The following TRAPPC9 variants were observed in gnomAD, a reference collection of about 807,000 sequenced individuals.
TRAPPC9 encodes IKK2 binding protein.
A neutral mutation model predicts 124.0 loss-of-function variants in TRAPPC9; 83 were observed. The observed-to-expected ratio is 0.67, with a 90% CI of 0.56 to 0.80. The LOEUF (loss-of-function observed/expected upper bound fraction) is 0.80. Among genes scored for constraint, TRAPPC9 ranks in the 30% least tolerant of loss-of-function variants. The pLI is 0.00. For missense variants in TRAPPC9, 1,302 were observed against 1,508.3 expected (o/e 0.86, Z 2.27); for synonymous variants, 638 against 617.5 (o/e 1.03, Z -0.49).
chr8:140,388,673 C>A (rs1332512843), intron 7 of TRAPPC9, among the ~76,000 whole-genome samples: 1 of 150,760 alleles, frequency 6.6e-6, no homozygotes, highest in Non-Finnish European at 1.5e-5. Flanking sequence ...CAGAGCAAGA[C>A]TCCATCTCAA....
chr8:139,893,800 G>A (rs541135092), intron 20 of TRAPPC9, among the ~76,000 whole-genome samples: 7 of 152,204 alleles, frequency 4.6e-5, no homozygotes, highest in Admixed American at 2.6e-4. Flanking sequence ...AGCCAGTACC[G>A]TCTAACATGT....
At position 140,412,725 on chromosome 8, in the gene TRAPPC9, A is replaced by G. The variant is rs548736148; in HGVS notation, c.887-7027T>C. 6.6e-5 allele frequency among the ~76,000 whole-genome samples: 10 copies of G among 152,360 alleles called. No homozygotes were observed. In the South Asian group the frequency reaches 8.3e-4, roughly 13 times the overall value. On this transcript the variant is annotated intron_variant, in intron 5 of 22. Transcript: ENST00000438773. The stretch of plus-strand genomic sequence containing the variant: ...TCTTTACCACTCTTTTATAAGATTT[A>G]TAAGTTTTAAATTATTTCAAAATCA...
At chr8:139,771,407 T>C (rs888363909) in intron 21 of TRAPPC9, among the ~76,000 whole-genome samples, 1 of 152,062 alleles carries the variant, frequency 6.6e-6, no homozygotes, top group East Asian at 1.9e-4. Flanking sequence ...AGAAACACAG[T>C]GTATGCCAGT....
chr8:139,832,928 T>C (rs771257599), intron 21 of TRAPPC9, among the ~76,000 whole-genome samples: 6 of 152,146 alleles, frequency 3.9e-5, no homozygotes, highest in Non-Finnish European at 7.3e-5. Context: ...TCTAACAGGC[T>C]GAGCTCTTTA....
At position 139,792,877 on chromosome 8, in the gene TRAPPC9, G is replaced by A. The variant is rs552659152; in HGVS notation, c.3056-60675C>T. ...CAGTTGGAAAAAACATCATTCACAG[G>A]GAAGCAAGAGGAATACAGGGTCTCC... is the stretch of plus-strand genomic sequence containing the variant. On this transcript the variant is annotated intron_variant, in intron 21 of 22. Coordinates refer to ENST00000438773, the MANE Select transcript of TRAPPC9 (RefSeq NM_001160372.4). Among the ~76,000 whole-genome samples, 14 of 152,342 alleles carry A rather than the reference G, an allele frequency of 9.2e-5. No individual in the cohort carries two copies. The East Asian group carries it at 2.5e-3, about 27-fold the overall frequency.
intron 21 of TRAPPC9, among the ~76,000 whole-genome samples, chr8:139,756,307 G>T (rs1199891817): frequency 2.1e-5 from 3 of 145,098 alleles, no homozygotes; most frequent in Non-Finnish European, 4.5e-5. Flanking sequence ...GGCAGGAGGA[G>T]CCAGGGATTG....
At chr8:140,324,634 G>A (rs1463431122) in intron 9 of TRAPPC9, among the ~76,000 whole-genome samples, 1 of 152,104 alleles carries the variant, frequency 6.6e-6, no homozygotes, top group East Asian at 1.9e-4. Flanking sequence ...GGCGGGCATG[G>A]TAGTACGTGC....
At position 140,394,234 on chromosome 8, in the gene TRAPPC9, CCCAA is replaced by C. The variant is rs775596992; in HGVS notation, c.1134+3382_1134+3385del. Among the ~76,000 whole-genome samples, 4 of 152,366 alleles carry C rather than the reference CCCAA, an allele frequency of 2.6e-5. No individual in the cohort carries two copies. The East Asian group carries it at 7.7e-4, about 29-fold the overall frequency. On this transcript the variant is annotated intron_variant, in intron 7 of 22. Coordinates refer to ENST00000438773, the MANE Select transcript of TRAPPC9 (RefSeq NM_001160372.4). ...CAGTCTCAAAGCCCTGCCCCCAGCT[CCCAA>C]CCAAATTGTCTGCAATTCCACTGCT...
chr8:140,060,550 A>G (rs1411878429), intron 17 of TRAPPC9, among the ~76,000 whole-genome samples: 1 of 150,036 alleles, frequency 6.7e-6, no homozygotes, highest in East Asian at 2.0e-4. Flanking sequence ...ATCCCTACCC[A>G]TCCTTATCCG....
At chr8:140,256,023 A>G (rs118183152) in intron 15 of TRAPPC9, among the ~76,000 whole-genome samples, 1 of 152,376 alleles carries the variant, frequency 6.6e-6, no homozygotes, top group East Asian at 1.9e-4. Flanking sequence ...CCTAAAGTCA[A>G]AGAAAGTGAA....
intron 8 of TRAPPC9, among the ~76,000 whole-genome samples, chr8:140,366,323 G>A (rs1026735189): frequency 2.0e-5 from 3 of 151,888 alleles, no homozygotes; most frequent in African/African-American, 7.3e-5. Flanking sequence ...CCCTAATCTC[G>A]AGGCTTACTA....
At chr8:140,049,791 G>T (rs1269392285) in intron 17 of TRAPPC9, among the ~76,000 whole-genome samples, 1 of 152,162 alleles carries the variant, frequency 6.6e-6, no homozygotes, top group Non-Finnish European at 1.5e-5. Context: ...AGGTTTTGTG[G>T]AAGGTCTCCC....
intron 5 of TRAPPC9, among the ~76,000 whole-genome samples, chr8:140,414,454 A>G (rs1212166085): frequency 1.3e-5 from 2 of 152,148 alleles, no homozygotes; most frequent in Admixed American, 1.3e-4. Context: ...GGATTGCTTG[A>G]GCCTGAGAGG....
At chr8:140,409,030 GC>G (rs2069596824) in intron 5 of TRAPPC9, among the ~76,000 whole-genome samples, 1 of 151,830 alleles carries the variant, frequency 6.6e-6, no homozygotes, top group African/African-American at 2.4e-5. Flanking sequence ...TATAAACACA[GC>G]AAAACATAAA....
At chr8:140,201,176 C>T (rs2062780725) in intron 17 of TRAPPC9, among the ~76,000 whole-genome samples, 1 of 152,072 alleles carries the variant, frequency 6.6e-6, no homozygotes, top group Non-Finnish European at 1.5e-5. Flanking sequence ...CTGGGAAGCA[C>T]GTGACTGTCT....
intron 15 of TRAPPC9, among the ~76,000 whole-genome samples, chr8:140,260,639 C>T (rs7816280): frequency 0.023 from 3,459 of 152,282 alleles, 123 homozygotes; most frequent in African/African-American, 0.078. Flanking sequence ...AAGGAGAACA[C>T]AAGACAATAA....
At chr8:140,100,957 C>A (rs1049785192) in intron 17 of TRAPPC9, among the ~76,000 whole-genome samples, 2 of 152,204 alleles carry the variant, frequency 1.3e-5, no homozygotes, top group Non-Finnish European at 2.9e-5. Flanking sequence ...AGCCTCAGAG[C>A]GCTCCCTGGA....
chr8:139,906,658 C>T (rs556248437), intron 20 of TRAPPC9, among the ~76,000 whole-genome samples: 6 of 152,270 alleles, frequency 3.9e-5, no homozygotes, highest in African/African-American at 9.6e-5. Flanking sequence ...TTCTTGGTGA[C>T]GGGTGGCCGC....
chr8:140,023,101 G>T (rs781431287), intron 18 of TRAPPC9, among the ~76,000 whole-genome samples: 1 of 151,880 alleles, frequency 6.6e-6, no homozygotes, highest in Non-Finnish European at 1.5e-5. Context: ...TACCCATCCA[G>T]CCCACCCTAC....
Sources: gnomAD v4.1 joint callset for allele counts (sites outside exome capture counted in the v4.1 genomes callset) on GRCh38, gnomAD v4.1.1 for gene constraint, MANE v1.5 for transcripts, NCBI Gene and HGNC (gene_info 2026-07-23, HGNC 2026-07-21) for gene names.